Variants in PLCB1 observed in about 807,000 individuals in gnomAD.
PLCB1 encodes 1-phosphatidylinositol 4,5-bisphosphate phosphodiesterase beta-1.
Under a neutral mutation model 161.8 loss-of-function variants are expected in PLCB1, and 46 were observed. That is an observed-to-expected ratio of 0.28 (90% CI 0.22 to 0.36). The LOEUF (loss-of-function observed/expected upper bound fraction) is 0.36. Ranked by LOEUF, PLCB1 falls within the 10% of genes least tolerant of loss-of-function variation. PLCB1 has a pLI of 1.00. For synonymous variants in PLCB1, 517 were observed against 503.7 expected (o/e 1.03, Z -0.35); for missense variants, 1,016 against 1,472.5 (o/e 0.69, Z 5.07).
Position 8,717,744 on chromosome 20 carries a change from C to T in PLCB1, c.1409C>T (p.Ser470Leu). ...YKILVKNKKK[S>L]HKSSEGSGKK... ...ATTTTGGTGAAAAATAAGAAGAAAT[C>T]ACACAAGTCATCAGAAGGAAGCGGC... The change falls in exon 14 of 32, where the codon TCA becomes TTA. Residue 470 changes from serine (S) to leucine (L), a missense_variant. By Grantham distance (145) the Ser-to-Leu change is moderately radical. Around this residue, in one of 10 missense-constraint regions of PLCB1, gnomAD observed 109 missense variants for 129.7 expected, o/e 0.84. Coordinates refer to ENST00000338037, the MANE Select transcript of PLCB1 (RefSeq NM_015192.4). The T allele has an allele frequency of 6.2e-7, 1 of 1,613,592 alleles. No individual in the cohort carries two copies. Among genetic ancestry groups the T allele is most frequent in the Non-Finnish European group, 8.5e-7 (1 of 1,179,640 alleles).
intron 2 of PLCB1, among the ~76,000 whole-genome samples, chr20:8,334,515 C>T (rs2662978): frequency 0.014 from 2,112 of 152,266 alleles, 44 homozygotes; most frequent in African/African-American, 0.047. Context: ...GTGGAATAAA[C>T]TAGAAATAAT....
intron 3 of PLCB1, among the ~76,000 whole-genome samples, chr20:8,509,751 TAG>T (rs1983794925): frequency 6.6e-6 from 1 of 151,648 alleles, no homozygotes; most frequent in Non-Finnish European, 1.5e-5. Flanking sequence ...GATAGATAGA[TAG>T]ATAGATAGAT....
chr20:8,323,833 T>A (rs1985020086), intron 2 of PLCB1, among the ~76,000 whole-genome samples: 2 of 151,300 alleles, frequency 1.3e-5, no homozygotes, highest in Admixed American at 1.3e-4. Flanking sequence ...CTAGTTCACT[T>A]AACCTAATAC....
intron 3 of PLCB1, among the ~76,000 whole-genome samples, chr20:8,482,261 G>A (rs954218888): frequency 1.7e-4 from 26 of 151,848 alleles, no homozygotes; most frequent in African/African-American, 4.4e-4. Context: ...ATACCAGCAC[G>A]TCCAACTAAT....
At chr20:8,877,669 G>T (rs4134274) in intron 31 of PLCB1, among the ~76,000 whole-genome samples, 58,538 of 152,102 alleles carry the variant, frequency 0.38, 11,686 homozygotes, top group South Asian at 0.59. Context: ...ATGGGGCTTT[G>T]TTGGAACGGA....
At chr20:8,695,215 T>C (rs1329583323) in intron 10 of PLCB1, among the ~76,000 whole-genome samples, 4 of 152,218 alleles carry the variant, frequency 2.6e-5, no homozygotes, top group African/African-American at 9.6e-5. Flanking sequence ...CAGGGCTCTA[T>C]AGAACTCAAA....
chr20:8,370,837 G>A (rs780397123), intron 2 of PLCB1, among the ~76,000 whole-genome samples: 17 of 152,134 alleles, frequency 1.1e-4, no homozygotes, highest in Non-Finnish European at 2.1e-4. Context: ...TTATTCCCTA[G>A]AGTAACTTGT....
intron 18 of PLCB1, among the ~76,000 whole-genome samples, chr20:8,730,631 T>TA (rs73613689): frequency 4.0e-5 from 6 of 151,086 alleles, no homozygotes; most frequent in South Asian, 2.1e-4. Flanking sequence ...CCTTGACTAC[T>TA]AAAAAAAAAC....
intron 31 of PLCB1, among the ~76,000 whole-genome samples, chr20:8,816,129 A>T (rs79169154): frequency 0.066 from 10,099 of 152,288 alleles, 906 homozygotes; most frequent in African/African-American, 0.2. Context: ...CTGATCTTTC[A>T]GAAAAAACCA....
chr20:8,667,176 C>T (rs2123350391), intron 9 of PLCB1, among the ~76,000 whole-genome samples: 1 of 152,234 alleles, frequency 6.6e-6, no homozygotes, highest in Non-Finnish European at 1.5e-5. Flanking sequence ...ATGATGTAGC[C>T]AATGCTTTCA....
intron 2 of PLCB1, among the ~76,000 whole-genome samples, chr20:8,327,037 C>A (rs1985182428): frequency 6.6e-6 from 1 of 152,188 alleles, no homozygotes; most frequent in Non-Finnish European, 1.5e-5. Context: ...AGGCGTGCGC[C>A]ACCATGCTTG....
At chr20:8,616,458 C>T (rs1254919141) in intron 3 of PLCB1, among the ~76,000 whole-genome samples, 1 of 152,152 alleles carries the variant, frequency 6.6e-6, no homozygotes, top group Non-Finnish European at 1.5e-5. Context: ...TCTCTGATTT[C>T]ATTAATTATG....
chr20:8,675,134 G>A (rs1990044278), intron 9 of PLCB1, among the ~76,000 whole-genome samples: 2 of 152,034 alleles, frequency 1.3e-5, no homozygotes, highest in African/African-American at 4.8e-5. Flanking sequence ...ACCATGACGG[G>A]AGTTGGACAA....
At chr20:8,847,335 T>C (rs1986725352) in intron 31 of PLCB1, among the ~76,000 whole-genome samples, 1 of 152,168 alleles carries the variant, frequency 6.6e-6, no homozygotes, top group South Asian at 2.1e-4. Flanking sequence ...GAATCTTCTG[T>C]ATATAGAATT....
At chr20:8,296,446 A>G (rs1202484730) in intron 2 of PLCB1, among the ~76,000 whole-genome samples, 5 of 152,196 alleles carry the variant, frequency 3.3e-5, no homozygotes, top group Non-Finnish European at 7.3e-5. Context: ...GCCCTCCAAG[A>G]ACCCGAGAGC....
intron 1 of PLCB1, among the ~76,000 whole-genome samples, chr20:8,138,753 G>A (rs2051373146): frequency 6.6e-6 from 1 of 152,104 alleles, no homozygotes; most frequent in Non-Finnish European, 1.5e-5. Context: ...TAACTAATTG[G>A]AATAGATTAT....
At chr20:8,831,067 T>A (rs987167893) in intron 31 of PLCB1, 1 of 152,236 alleles carries the variant, frequency 6.6e-6, no homozygotes, top group African/African-American at 2.4e-5. Context: ...CTCTCAATAC[T>A]TATTTTAAAA....
intron 31 of PLCB1, among the ~76,000 whole-genome samples, chr20:8,861,741 A>AC (rs1017145396): frequency 6.6e-6 from 1 of 151,634 alleles, no homozygotes; most frequent in African/African-American, 2.4e-5. Flanking sequence ...AAAAAAAAAA[A>AC]AAAAAAAGAG....
intron 3 of PLCB1, among the ~76,000 whole-genome samples, chr20:8,537,112 T>G (rs1985083164): frequency 6.6e-6 from 1 of 152,164 alleles, no homozygotes; most frequent in African/African-American, 2.4e-5. Context: ...AGAATTTGAC[T>G]GAGGGGCATA....
Sources: allele counts gnomAD v4.1 joint callset (sites outside exome capture counted in the v4.1 genomes callset), GRCh38; gene constraint gnomAD v4.1.1; regional missense constraint gnomAD v4.1.1; transcripts MANE v1.5; gene names NCBI Gene and HGNC (gene_info 2026-07-23, HGNC 2026-07-21).